Variants in L3MBTL4 observed in about 807,000 individuals in gnomAD.
L3MBTL4 encodes the protein lethal(3)malignant brain tumor-like protein 4.
L3MBTL4 carries 70 observed loss-of-function variants against 84.5 expected under a neutral mutation model. The ratio of observed to expected loss-of-function variants is 0.83; its 90% CI spans 0.68 to 1.01. The LOEUF is 1.01. L3MBTL4 is among the 50% of genes least tolerant of loss of function. L3MBTL4 has a pLI of 0.00. For missense variants in L3MBTL4, 715 were observed against 754.8 expected (o/e 0.95, Z 0.62); for synonymous variants, 274 against 259.8 (o/e 1.05, Z -0.52).
At chr18:6,172,445 G>A (rs2044022701) in intron 12 of L3MBTL4, among the ~76,000 whole-genome samples, 1 of 152,100 alleles carries the variant, frequency 6.6e-6, no homozygotes, top group African/African-American at 2.4e-5. Flanking sequence ...AACCATGGAG[G>A]CAAAAACAGT....
intron 1 of L3MBTL4, among the ~76,000 whole-genome samples, chr18:6,318,494 T>TAAAAAAAAAAAAAAAAAAAAAAAAAA (rs71370550): frequency 7.0e-5 from 1 of 14,202 alleles, no homozygotes; most frequent in Non-Finnish European, 1.3e-4. Context: ...ACAACAATAG[T>TAAAAAAAAAAAAAAAAAAAAAAAAAA]AAAAAAAAAA....
At chr18:6,164,152 G>C (rs1449832461) in intron 13 of L3MBTL4, among the ~76,000 whole-genome samples, 3 of 152,230 alleles carry the variant, frequency 2.0e-5, no homozygotes, top group Non-Finnish European at 2.9e-5. Context: ...CACCATTGCA[G>C]AGGCTTGAGT....
chr18:6,396,099 C>G (rs549938628), intron 1 of L3MBTL4: 3 of 152,250 alleles, frequency 2.0e-5, no homozygotes, highest in Admixed American at 1.3e-4. Flanking sequence ...GGAAATGAAG[C>G]TAGCCACATT....
At chr18:6,194,389 A>C (rs1044892316) in intron 12 of L3MBTL4, among the ~76,000 whole-genome samples, 10 of 152,334 alleles carry the variant, frequency 6.6e-5, no homozygotes, top group African/African-American at 2.4e-4. Context: ...GAATGAACAC[A>C]ACATGTAGGC....
chr18:5,994,427 T>C (rs1277553241), intron 16 of L3MBTL4, among the ~76,000 whole-genome samples: 7 of 152,234 alleles, frequency 4.6e-5, no homozygotes, highest in Admixed American at 4.6e-4. Context: ...GATGCTCACA[T>C]GGCACTTACT....
At chr18:6,293,455 C>G (rs892923870) in intron 4 of L3MBTL4, among the ~76,000 whole-genome samples, 1 of 151,334 alleles carries the variant, frequency 6.6e-6, no homozygotes, top group African/African-American at 2.4e-5. Context: ...ACAACCTTAG[C>G]ACCAAAATAA....
rs2050837642 is a variant in L3MBTL4, at chr18:6,311,618, T to C, written c.8A>G (p.Gln3Arg). The C allele has an allele frequency of 1.2e-6, 2 of 1,613,718 alleles. No individual in the cohort carries two copies. Among genetic ancestry groups the C allele is most frequent in the African/African-American group, 1.3e-5 (1 of 75,024 alleles). Residue 3 changes from glutamine (Q) to arginine (R), a missense_variant, in exon 3 of 19, where the codon CAG (glutamine) becomes CGG (arginine). By Grantham distance (43) the Gln-to-Arg change is conservative. Transcript: ENST00000317931. Reference sequence around the variant, plus strand: ...ATTAAGCTTCCTTTTCCTGTTGGGCTGTTTCATTGCCACCCCCGCACTCCT... The same window carrying C: ...ATTAAGCTTCCTTTTCCTGTTGGGCCGTTTCATTGCCACCCCCGCACTCCT... MKQPNRKRKLNMD... is the reference protein window; with the variant it reads MKRPNRKRKLNMD...
At chr18:6,336,879 G>T (rs2052364911) in intron 1 of L3MBTL4, among the ~76,000 whole-genome samples, 1 of 152,040 alleles carries the variant, frequency 6.6e-6, no homozygotes, top group South Asian at 2.1e-4. Flanking sequence ...TAATACCAAA[G>T]ACCTTAAAAT....
At chr18:6,213,083 G>T in intron 12 of L3MBTL4, 66 bp downstream of exon 12, 2 of 824,952 alleles carry the variant, frequency 2.4e-6, no homozygotes, top group Non-Finnish European at 3.7e-6. Flanking sequence ...GAATGGGAGG[G>T]TAGAGGAAAC....
At chr18:6,257,708 G>T (rs561359161) in intron 5 of L3MBTL4, among the ~76,000 whole-genome samples, 1 of 145,754 alleles carries the variant, frequency 6.9e-6, no homozygotes, top group Non-Finnish European at 1.5e-5. Context: ...GTGCAATGGC[G>T]CAATCTTGGC....
intron 1 of L3MBTL4, among the ~76,000 whole-genome samples, chr18:6,370,747 A>G (rs1283246592): frequency 6.6e-6 from 1 of 152,200 alleles, no homozygotes; most frequent in Non-Finnish European, 1.5e-5. Flanking sequence ...CCCACAGGCC[A>G]CACTGTCCCC....
chr18:6,157,099 A>G (rs950879005), intron 13 of L3MBTL4, among the ~76,000 whole-genome samples: 1 of 152,216 alleles, frequency 6.6e-6, no homozygotes. Context: ...CGATAAGTCT[A>G]TCATGTAGAT....
At chr18:6,232,188 A>G (rs2047026559) in intron 10 of L3MBTL4, among the ~76,000 whole-genome samples, 1 of 152,132 alleles carries the variant, frequency 6.6e-6, no homozygotes. Context: ...TATTACACTG[A>G]TTAATTTTCA....
intron 4 of L3MBTL4, among the ~76,000 whole-genome samples, chr18:6,288,731 A>G (rs1362760130): frequency 6.6e-6 from 1 of 152,118 alleles, no homozygotes; most frequent in Non-Finnish European, 1.5e-5. Flanking sequence ...AAAACTTGAA[A>G]TAATAACTAG....
intron 14 of L3MBTL4, among the ~76,000 whole-genome samples, chr18:6,112,453 G>A (rs1469378961): frequency 6.6e-6 from 1 of 152,152 alleles, no homozygotes; most frequent in East Asian, 1.9e-4. Flanking sequence ...CACAACTATA[G>A]CCTGTAAGGA....
chr18:6,405,091 T>C (rs1249235846), intron 1 of L3MBTL4, among the ~76,000 whole-genome samples: 2 of 152,230 alleles, frequency 1.3e-5, no homozygotes, highest in Non-Finnish European at 2.9e-5. Context: ...CACAAAGGCA[T>C]ACATGTTTTG....
At chr18:6,243,245 G>T in intron 7 of L3MBTL4, 49 bp downstream of exon 7, 1 of 1,414,972 alleles carries the variant, frequency 7.1e-7, no homozygotes, top group Non-Finnish European at 9.4e-7. Context: ...AAATATAAGT[G>T]AAATACCAAT....
intron 16 of L3MBTL4, among the ~76,000 whole-genome samples, chr18:6,060,286 G>A (rs574581356): frequency 5.9e-5 from 9 of 151,692 alleles, no homozygotes; most frequent in South Asian, 4.2e-4. Flanking sequence ...TCCTCTCCCC[G>A]CTACTCCAGT....
At chr18:6,030,933 T>C (rs1369749960) in intron 16 of L3MBTL4, 1 of 984,318 alleles carries the variant, frequency 1.0e-6, no homozygotes, top group Non-Finnish European at 1.2e-6. Flanking sequence ...ATACAATAAG[T>C]TTATTGTTAT....
Sources: gnomAD v4.1 joint callset for allele counts (sites outside exome capture counted in the v4.1 genomes callset) on GRCh38, gnomAD v4.1.1 for gene constraint, MANE v1.5 for transcripts, NCBI Gene and HGNC (gene_info 2026-07-23, HGNC 2026-07-21) for gene names.